Variants in NT5C1B observed in about 807,000 individuals in gnomAD.
The protein encoded by NT5C1B is cytosolic 5'-nucleotidase 1B.
Under a neutral mutation model 57.8 loss-of-function variants are expected in NT5C1B, and 44 were observed. The ratio of observed to expected loss-of-function variants is 0.76; its 90% CI spans 0.60 to 0.98. The LOEUF (loss-of-function observed/expected upper bound fraction) is 0.98, where lower values mean the gene tolerates loss of function less well. Among genes scored for constraint, NT5C1B ranks in the 50% least tolerant of loss-of-function variants. The probability of loss-of-function intolerance (pLI) is 0.00; values close to 1 mark genes in which losing one functional copy is unlikely to be tolerated. For synonymous variants in NT5C1B, 284 were observed against 282.6 expected (o/e 1.00, Z -0.05); for missense variants, 742 against 719.5 (o/e 1.03, Z -0.36).
chr2:18,567,785 A>T (rs1664777398), intron 8 of NT5C1B, among the ~76,000 whole-genome samples: 1 of 152,254 alleles, frequency 6.6e-6, no homozygotes, highest in African/African-American at 2.4e-5. Context: ...AGACTTAGTA[A>T]TGACCCAAGT....
rs1572384547 is a variant in NT5C1B, at chr2:18,586,160, A to G, written c.258+94T>C. On this transcript the variant is annotated intron_variant, in intron 3 of 8. Coordinates refer to ENST00000304081, the Ensembl canonical transcript of NT5C1B. ...CTAAATTAGCTAACACATGTAAAGC[A>G]CATAAACAGGGCCTGGCACGTAGAA... is the stretch of plus-strand genomic sequence containing the variant. 2.0e-6 allele frequency: 3 copies of G among 1,533,166 alleles called. No homozygotes were observed. In the South Asian group the frequency reaches 3.9e-5, roughly 20 times the overall value. The allele number at this position is 1,533,166 out of a possible 1,614,324, so 95.0% of individuals were successfully genotyped here.
At chr2:18,587,111 C>T (rs772852410) in intron 2 of NT5C1B, 34 of 1,614,024 alleles carry the variant, frequency 2.1e-5, no homozygotes, top group East Asian at 4.5e-5. Flanking sequence ...AGCGTCTACA[C>T]GACGAGTGAC....
At chr2:18,587,430 C>T in intron 2 of NT5C1B, 73 bp downstream of exon 2, 1 of 1,586,436 alleles carries the variant, frequency 6.3e-7, no homozygotes, top group Non-Finnish European at 8.5e-7. Flanking sequence ...CCCAGAACTC[C>T]CTGCCCCCTA....
In NT5C1B at chr2:18,584,191, C is replaced by A; in HGVS notation, c.788G>T (p.Gly263Val). The A allele has an allele frequency of 6.2e-7, 1 of 1,614,152 alleles. No homozygotes were observed. The highest frequency in any genetic ancestry group is 8.5e-7 in the Non-Finnish European group (1 of 1,180,034). ...ACCCTCTTGCTCGTAGATTTTCCTG[C>A]CGTCCACCATGTTGAAGAGCGCGCA... Residue 263 changes from glycine (G) to valine (V), a missense_variant, in exon 5 of 9, where the codon GGC (glycine) becomes GTC (valine). By Grantham distance (109) the Gly-to-Val change is moderately radical (BLOSUM62 -3). Transcript: ENST00000304081. This position sits in a 1 kb window ranked among gnomAD's most constrained non-coding sequence, Gnocchi z 5.8.
At chr2:18,586,849 GC>G in intron 2 of NT5C1B, 1 of 1,417,008 alleles carries the variant, frequency 7.1e-7, no homozygotes. Flanking sequence ...AAGGAATGGA[GC>G]CCTCAAGCTT....
chr2:18,563,080 T>C (rs1470099635), exon 9 of NT5C1B: 2 of 151,508 alleles, frequency 1.3e-5, no homozygotes, highest in East Asian at 1.9e-4. Context: ...TTTTTTTTTT[T>C]CCATACAAAT....
rs779736056 is a variant in NT5C1B, at chr2:18,576,387, T to C, written c.1145-19A>G. The C allele has an allele frequency of 5.0e-6, 8 of 1,601,354 alleles. No individual in the cohort carries two copies. Among genetic ancestry groups the C allele is most frequent in the Non-Finnish European group, 6.8e-6 (8 of 1,175,914 alleles). On this transcript the variant is annotated intron_variant, in intron 7 of 8. Transcript: ENST00000304081. Reference sequence around the variant, plus strand: ...GCAATACCTGATAGATCATGGAGACTGATTAATACTCTTCTCAGGTCCATG... The same window carrying C: ...GCAATACCTGATAGATCATGGAGACCGATTAATACTCTTCTCAGGTCCATG...
At chr2:18,582,769 A>G in intron 6 of NT5C1B, 99 bp downstream of exon 6, 1 of 1,505,920 alleles carries the variant, frequency 6.6e-7, no homozygotes, top group Non-Finnish European at 8.9e-7. Flanking sequence ...GTCAGTATCA[A>G]AGACACTGCA....
Position 18,584,458 on chromosome 2 carries a change from T to G in NT5C1B, c.723+56A>C, listed in dbSNP as rs1271274758. Reference sequence around the variant, plus strand: ...CCTGCGCAGTGGAGAGGAGGGCGGCTGGAAGAGGCTGCAAGGAAGGGCGCC... The same window carrying G: ...CCTGCGCAGTGGAGAGGAGGGCGGCGGGAAGAGGCTGCAAGGAAGGGCGCC... On this transcript the variant is annotated intron_variant, in intron 4 of 8. Transcript: ENST00000304081. This position sits in a 1 kb window ranked among gnomAD's most constrained non-coding sequence, Gnocchi z 5.8. 6.4e-7 allele frequency: 1 copy of G among 1,572,344 alleles called. No homozygotes were observed. The highest frequency in any genetic ancestry group is 8.6e-7 in the Non-Finnish European group (1 of 1,160,546).
At chr2:18,577,720 A>G (rs1487389658) in intron 6 of NT5C1B, among the ~76,000 whole-genome samples, 1 of 151,972 alleles carries the variant, frequency 6.6e-6, no homozygotes, top group East Asian at 1.9e-4. Flanking sequence ...AAAGAAAGAA[A>G]AAAACTAACC....
chr2:18,586,295 G>T (rs368550960), exon 3 of NT5C1B: 4 of 1,614,066 alleles, frequency 2.5e-6, no homozygotes, highest in East Asian at 2.2e-5. Flanking sequence ...TCTATGGATG[G>T]AGCCTTGGTG....
intron 8 of NT5C1B, among the ~76,000 whole-genome samples, chr2:18,572,932 A>T (rs1665339835): frequency 6.6e-6 from 1 of 152,218 alleles, no homozygotes; most frequent in Non-Finnish European, 1.5e-5. Flanking sequence ...CACATGACCT[A>T]GCAATTCCAC....
chr2:18,569,174 A>T (rs1558369307), intron 8 of NT5C1B, among the ~76,000 whole-genome samples: 1 of 152,238 alleles, frequency 6.6e-6, no homozygotes, highest in Non-Finnish European at 1.5e-5. Flanking sequence ...TAACATTGAC[A>T]ATAGACTGTG....
chr2:18,577,876 G>A (rs1665845487), intron 6 of NT5C1B, among the ~76,000 whole-genome samples: 1 of 151,900 alleles, frequency 6.6e-6, no homozygotes, highest in African/African-American at 2.4e-5. Context: ...GACTAACAAA[G>A]AAAAACAGAG....
intron 2 of NT5C1B, 124 bp downstream of exon 2, chr2:18,587,379 A>T: frequency 1.5e-5 from 22 of 1,514,658 alleles, no homozygotes; most frequent in Non-Finnish European, 1.9e-5. Context: ...TGAGGACATT[A>T]GGGACGCCTT....
chr2:18,572,386 C>A (rs965671974), intron 8 of NT5C1B, among the ~76,000 whole-genome samples: 1 of 151,976 alleles, frequency 6.6e-6, no homozygotes, highest in African/African-American at 2.4e-5. Context: ...TTGGATTAGG[C>A]AAAGATTTCT....
intron 8 of NT5C1B, among the ~76,000 whole-genome samples, chr2:18,570,237 A>G (rs939737481): frequency 6.6e-6 from 1 of 152,074 alleles, no homozygotes; most frequent in East Asian, 1.9e-4. Flanking sequence ...TTAAGTGCTT[A>G]TATTAGAAAA....
intron 5 of NT5C1B, 87 bp from the exon 6 acceptor site, chr2:18,583,084 A>G (rs1666324840): frequency 1.3e-6 from 2 of 1,488,272 alleles, no homozygotes; most frequent in Non-Finnish European, 1.8e-6. Flanking sequence ...CATCAGAGTC[A>G]AATTCAAGCT....
intron 2 of NT5C1B, chr2:18,587,109 C>T: frequency 6.2e-7 from 1 of 1,614,196 alleles, no homozygotes; most frequent in African/African-American, 1.3e-5. Flanking sequence ...GCAGCGTCTA[C>T]ACGACGAGTG....
Sources: gnomAD v4.1 joint callset for allele counts (sites outside exome capture counted in the v4.1 genomes callset) on GRCh38, gnomAD v4.1.1 for gene constraint, Gnocchi (gnomAD v3.1) non-coding constraint, MANE v1.5 for transcripts, NCBI Gene and HGNC (gene_info 2026-07-23, HGNC 2026-07-21) for gene names.